RHCG: variants seen among roughly 807,000 people sequenced by gnomAD.
RHCG encodes the protein Rh family C glycoprotein, also known as ammonium transporter Rh type C.
Under a neutral mutation model 55.3 loss-of-function variants are expected in RHCG, and 39 were observed. The observed-to-expected ratio is 0.70, with a 90% confidence interval of 0.55 to 0.92. RHCG has a LOEUF of 0.92. Ranked by LOEUF, RHCG falls within the 40% of genes least tolerant of loss-of-function variation. The pLI, the probability that RHCG is intolerant of heterozygous loss-of-function variation, is 0.00. For missense variants in RHCG, 635 were observed against 627.9 expected, an observed-to-expected ratio of 1.01 and a Z score of -0.12; for synonymous variants, 250 against 246.8, an observed-to-expected ratio of 1.01 and a Z score of -0.12.
intron 5 of RHCG, among the ~76,000 whole-genome samples, chr15:89,478,569 G>T (rs961274048): frequency 1.3e-5 from 2 of 152,208 alleles, no homozygotes; most frequent in African/African-American, 2.4e-5. Context: ...AGGCAGAAAG[G>T]TGTCTTGATC....
At chr15:89,476,680 A>G in intron 9 of RHCG, 75 bp downstream of exon 9, 1 of 1,293,892 alleles carries the variant, frequency 7.7e-7, no homozygotes, top group Non-Finnish European at 1.1e-6. Flanking sequence ...CCCAGGCCCC[A>G]GCCCAGCTGA....
At chr15:89,491,762 A>G (rs1961479837) in intron 1 of RHCG, among the ~76,000 whole-genome samples, 1 of 151,136 alleles carries the variant, frequency 6.6e-6, no homozygotes, top group South Asian at 2.1e-4. Flanking sequence ...GTGAGACTTC[A>G]TCTCAAAAAA....
In RHCG at chr15:89,477,979, G is replaced by C. The variant is rs1961188608; in HGVS notation, c.838-5C>G. On this transcript the variant is annotated splice_polypyrimidine_tract_variant and splice_region_variant and intron_variant, in intron 5 of 10. Transcript: ENST00000268122. This position sits in a 1 kb window ranked among gnomAD's most constrained non-coding sequence, Gnocchi z 4.5. ...CGTGGCATTCTGGATGTGCACCTGG[G>C]CAGGGCAGGCAGAGCAGGCAGGAAC... 1 of 1,600,544 alleles carries C rather than the reference G, an allele frequency of 6.2e-7. No individual in the cohort carries two copies. Among genetic ancestry groups the C allele is most frequent in the African/African-American group, 1.3e-5 (1 of 74,746 alleles).
chr15:89,486,785 C>G lies in RHCG; in HGVS notation c.371+14G>C. On this transcript the variant is annotated intron_variant, in intron 2 of 10. Coordinates refer to ENST00000268122, the MANE Select transcript of RHCG (RefSeq NM_016321.3). Reference sequence around the variant, plus strand: ...CCCAGTCCGCCACGCCCCCGGGGCCCGCCCTGCGCTCACTTCTCCACGCCC... The same window carrying G: ...CCCAGTCCGCCACGCCCCCGGGGCCGGCCCTGCGCTCACTTCTCCACGCCC... The G allele has an allele frequency of 6.3e-7, 1 of 1,574,814 alleles. No individual in the cohort carries two copies. Among genetic ancestry groups the G allele is most frequent in the South Asian group, 1.2e-5 (1 of 86,408 alleles).
chr15:89,487,247 G>A (rs557389948), intron 1 of RHCG, among the ~76,000 whole-genome samples: 1 of 152,178 alleles, frequency 6.6e-6, no homozygotes, highest in East Asian at 1.9e-4. Context: ...GACCCGAGGT[G>A]GGCCCCCACC....
chr15:89,483,765 G>A (rs1481534681), intron 2 of RHCG, among the ~76,000 whole-genome samples: 2 of 152,188 alleles, frequency 1.3e-5, no homozygotes, highest in South Asian at 4.2e-4. Context: ...AGAGACAGGG[G>A]GGCCTTCCTG....
intron 1 of RHCG, among the ~76,000 whole-genome samples, chr15:89,488,835 G>C (rs1961421762): frequency 1.3e-5 from 2 of 151,794 alleles, no homozygotes; most frequent in Admixed American, 6.6e-5. Flanking sequence ...GATATAAACA[G>C]ATTAAGATAT....
chr15:89,472,497 A>C (rs113277423), intron 10 of RHCG, among the ~76,000 whole-genome samples: 3 of 151,982 alleles, frequency 2.0e-5, no homozygotes, highest in African/African-American at 7.3e-5. Flanking sequence ...TTGTGCCTTC[A>C]CCTGTTCCTG....
chr15:89,473,907 A>C (rs917746939), intron 9 of RHCG, among the ~76,000 whole-genome samples: 1 of 152,256 alleles, frequency 6.6e-6, no homozygotes, highest in African/African-American at 2.4e-5. Context: ...GAACTTCTAC[A>C]TGGGGGAACT....
At chr15:89,487,021 G>A (rs937448810) in intron 1 of RHCG, 36 bp from the exon 2 acceptor site, 2 of 1,517,300 alleles carry the variant, frequency 1.3e-6, no homozygotes, top group African/African-American at 1.4e-5. Flanking sequence ...TCGGTGGTCT[G>A]GCGAAGGTTC....
At chr15:89,473,843 G>A (rs1029649318) in intron 9 of RHCG, among the ~76,000 whole-genome samples, 4 of 152,180 alleles carry the variant, frequency 2.6e-5, no homozygotes, top group African/African-American at 4.8e-5. Context: ...GGTATATAGA[G>A]CTGAGAGGTG....
Position 89,477,790 on chromosome 15 carries a change from A to C in RHCG, c.975+47T>G. 3.7e-6 allele frequency: 6 copies of C among 1,610,908 alleles called. No individual in the cohort carries two copies. The highest frequency in any genetic ancestry group is 5.1e-6 in the Non-Finnish European group (6 of 1,177,918). ...CCTCAGCTCACTGTCAGGAACACAA[A>C]GACCTCAGCATTCTCTAGCCCCCAG... On this transcript the variant is annotated intron_variant, in intron 6 of 10. Coordinates refer to ENST00000268122, the MANE Select transcript of RHCG (RefSeq NM_016321.3). This position sits in a 1 kb window ranked among gnomAD's most constrained non-coding sequence, Gnocchi z 4.5.
rs756992009 is a variant in RHCG, at chr15:89,477,597, A to G, written c.1032T>C (p.His344=). 4 of 1,614,160 alleles carry G rather than the reference A, an allele frequency of 2.5e-6. No individual in the cohort carries two copies. The highest frequency in any genetic ancestry group is 2.7e-5 in the African/African-American group (2 of 75,032). The change falls in exon 7 of 11, where the codon CAT becomes CAC. Residue 344 remains histidine, a synonymous_variant. Coordinates refer to ENST00000268122, the MANE Select transcript of RHCG (RefSeq NM_016321.3). This position sits in a 1 kb window ranked among gnomAD's most constrained non-coding sequence, Gnocchi z 4.5. ...TGCCGCCTATGATGCCAGGAATGCC[A>G]TGCAGATTGTTAATGCCACATGTGT... ...IQDTCGINNL[H]GIPGIIGGIV...
At chr15:89,483,783 G>A (rs1961311046) in intron 2 of RHCG, among the ~76,000 whole-genome samples, 1 of 152,262 alleles carries the variant, frequency 6.6e-6, no homozygotes, top group Non-Finnish European at 1.5e-5. Context: ...CTGCAGGAAG[G>A]AGGGAGCTGG....
intron 9 of RHCG, among the ~76,000 whole-genome samples, chr15:89,475,989 TTCTCTCTCTCTCTCTTGCTCTCGC>T (rs1056269427): frequency 3.3e-5 from 5 of 149,842 alleles, no homozygotes; most frequent in Non-Finnish European, 5.9e-5. Flanking sequence ...GACTTTGCAT[TTCTCTCTCTCTCTCTTGCTCTCGC>T]TCTCTCTCTC....
At position 89,482,125 on chromosome 15, in the gene RHCG, C is replaced by T. The variant is rs372265632; in HGVS notation, c.522+942G>A. Among the ~76,000 whole-genome samples, 8 of 152,108 alleles carry T rather than the reference C, an allele frequency of 5.3e-5. No individual in the cohort carries two copies. The South Asian group carries it at 6.2e-4, about 12-fold the overall frequency. On this transcript the variant is annotated intron_variant, in intron 3 of 10. Transcript: ENST00000268122. The stretch of plus-strand genomic sequence containing the variant: ...CCTAAGTTTGTATTTTTAGTAGAGA[C>T]GGGGTTTCTCCATGTTGGTCAGGCT...
chr15:89,487,634 G>A (rs550268009), intron 1 of RHCG, among the ~76,000 whole-genome samples: 180 of 152,238 alleles, frequency 1.2e-3, no homozygotes, highest in African/African-American at 4.0e-3. Flanking sequence ...ACTTGAATTT[G>A]GACCCCGGTT....
chr15:89,489,171 AG>A (rs1364461189), intron 1 of RHCG, among the ~76,000 whole-genome samples: 1 of 152,170 alleles, frequency 6.6e-6, no homozygotes, highest in African/African-American at 2.4e-5. Context: ...GCTGGAGTGC[AG>A]TGGCACAATC....
chr15:89,473,451 C>A (rs1280343979), intron 9 of RHCG, among the ~76,000 whole-genome samples: 1 of 152,144 alleles, frequency 6.6e-6, no homozygotes, highest in Non-Finnish European at 1.5e-5. Context: ...CCAAGGTAAA[C>A]CACTCAGGGC....
Sources: allele counts gnomAD v4.1 joint callset (sites outside exome capture counted in the v4.1 genomes callset), GRCh38; gene constraint gnomAD v4.1.1; non-coding constraint Gnocchi (gnomAD v3.1); transcripts MANE v1.5; gene names NCBI Gene and HGNC (gene_info 2026-07-23, HGNC 2026-07-21).